Variants in PTBP3 observed in about 807,000 individuals in gnomAD.
PTBP3 encodes polypyrimidine tract binding protein 3, also known as polypyrimidine tract-binding protein 3.
PTBP3 carries 20 observed loss-of-function variants against 58.7 expected under a neutral mutation model. The observed-to-expected ratio is 0.34, with a 90% CI of 0.24 to 0.50. The LOEUF is 0.50. PTBP3 is among the 20% of genes least tolerant of loss of function. The probability of loss-of-function intolerance (pLI) is 0.98; values close to 1 mark genes in which losing one functional copy is unlikely to be tolerated. For synonymous variants in PTBP3, 185 were observed against 219.8 expected (o/e 0.84, Z 1.40); for missense variants, 509 against 637.2 (o/e 0.80, Z 2.17).
Position 112,223,028 on chromosome 9 carries a change from T to G in PTBP3, c.*823A>C. The G allele has an allele frequency of 1.2e-6, 1 of 853,994 alleles. No individual in the cohort carries two copies. The highest frequency in any genetic ancestry group is 1.8e-5 in the African/African-American group (1 of 54,504). The allele number at this position is 853,994 out of a possible 1,614,324, so 52.9% of individuals were successfully genotyped here. On this transcript the variant is annotated 3_prime_UTR_variant, in exon 14 of 14. Transcript: ENST00000374257. ...TAGTTTATAAGTAGGATTATTTTTC[T>G]TTAAAATTTTCCAAGATCATATTAC...
chr9:112,277,905 A>ACATAACATAG (rs1827683008), intron 2 of PTBP3, among the ~76,000 whole-genome samples: 1 of 115,778 alleles, frequency 8.6e-6, no homozygotes, highest in Non-Finnish European at 1.7e-5. Context: ...ACATAACATA[A>ACATAACATAG]CATAACATAA....
At chr9:112,313,852 A>G (rs1829589011) in intron 1 of PTBP3, among the ~76,000 whole-genome samples, 1 of 152,218 alleles carries the variant, frequency 6.6e-6, no homozygotes, top group East Asian at 1.9e-4. Flanking sequence ...AAGGAAAAGG[A>G]ATAGGAAAAA....
chr9:112,367,619 T>C, the PTBP3 span, among the ~76,000 whole-genome samples: 1 of 152,216 alleles, frequency 6.6e-6, no homozygotes, highest in Non-Finnish European at 1.5e-5. Flanking sequence ...TATATTCCCA[T>C]GGTTTCCTGG....
chr9:112,254,394 T>A (rs1233517167), intron 5 of PTBP3, among the ~76,000 whole-genome samples: 2 of 152,118 alleles, frequency 1.3e-5, no homozygotes, highest in African/African-American at 2.4e-5. Context: ...AGGTAATGAA[T>A]GAAAAATAGA....
chr9:112,331,132 A>G (rs1830356560), intron 1 of PTBP3, among the ~76,000 whole-genome samples: 1 of 139,102 alleles, frequency 7.2e-6, no homozygotes, highest in African/African-American at 2.5e-5. Context: ...CACACGAGAG[A>G]CAGTTGGGAT....
rs537933356 is a variant in PTBP3, at chr9:112,223,149, T to G, written c.*702A>C. 2.2e-6 allele frequency: 2 copies of G among 895,568 alleles called. No homozygotes were observed. Among genetic ancestry groups the G allele is most frequent in the Non-Finnish European group, 2.7e-6 (2 of 747,886 alleles). The allele number at this position is 895,568 out of a possible 1,614,324, so 55.5% of individuals were successfully genotyped here. A position where few individuals can be genotyped will look rare whatever the true frequency, so the allele number is the denominator to read the frequency against. ...ATCTTATTAACAGATCTTAGTTGAA[T>G]TCCACTTAATTTCCCTGGGGACAGC... On this transcript the variant is annotated 3_prime_UTR_variant, in exon 14 of 14. Coordinates refer to ENST00000374257, the MANE Select transcript of PTBP3 (RefSeq NM_001163788.4).
At chr9:112,229,110 C>T (rs1835104688) in intron 10 of PTBP3, among the ~76,000 whole-genome samples, 2 of 152,134 alleles carry the variant, frequency 1.3e-5, no homozygotes, top group East Asian at 1.9e-4. Context: ...TTTATATAAA[C>T]CAATATTAAA....
At chr9:112,230,518 TG>T (rs1172081071) in intron 10 of PTBP3, among the ~76,000 whole-genome samples, 1 of 151,994 alleles carries the variant, frequency 6.6e-6, no homozygotes, top group Non-Finnish European at 1.5e-5. Flanking sequence ...GTGGATTACA[TG>T]AAAAAAATAA....
intron 2 of PTBP3, among the ~76,000 whole-genome samples, chr9:112,277,977 A>G (rs531993905): frequency 6.7e-6 from 1 of 148,792 alleles, no homozygotes; most frequent in South Asian, 2.1e-4. Flanking sequence ...ATAACATAAC[A>G]TAATGTATAT....
intron 1 of PTBP3, among the ~76,000 whole-genome samples, chr9:112,331,082 A>AACACACAC (rs10660591): frequency 0.043 from 6,012 of 139,436 alleles, 170 homozygotes; most frequent in Non-Finnish European, 0.052. Context: ...GGAGGAAACG[A>AACACACAC]ACACACACAC....
chr9:112,220,110 A>G lies in PTBP3; in HGVS notation c.*3741T>C. 1 of 1,240,442 alleles carries G rather than the reference A, an allele frequency of 8.1e-7. No individual in the cohort carries two copies. The highest frequency in any genetic ancestry group is 1.0e-6 in the Non-Finnish European group (1 of 964,552). The allele number at this position is 1,240,442 out of a possible 1,614,324, so 76.8% of individuals were successfully genotyped here. On this transcript the variant is annotated 3_prime_UTR_variant, in exon 14 of 14. Coordinates refer to ENST00000374257, the MANE Select transcript of PTBP3 (RefSeq NM_001163788.4). ...CGTCACGCTGTCTCTTTTTGGTTTT[A>G]AAAATAGCAGTACACATTAGGTTTT... is the stretch of plus-strand genomic sequence containing the variant.
the PTBP3 span, among the ~76,000 whole-genome samples, chr9:112,357,068 G>T: frequency 6.6e-6 from 1 of 151,680 alleles, no homozygotes; most frequent in African/African-American, 2.4e-5. Context: ...TTTTAGTAGA[G>T]ACGGGGTTTC....
chr9:112,372,073 GA>G, the PTBP3 span, among the ~76,000 whole-genome samples: 2 of 151,914 alleles, frequency 1.3e-5, no homozygotes, highest in East Asian at 1.9e-4. Context: ...TTCTTCCATA[GA>G]TTCTTTTTTC....
chr9:112,236,056 T>C (rs1835426569), intron 7 of PTBP3, among the ~76,000 whole-genome samples: 1 of 152,106 alleles, frequency 6.6e-6, no homozygotes, highest in Admixed American at 6.5e-5. Flanking sequence ...TTTTCAATGA[T>C]AGGGAGATGA....
chr9:112,352,436 G>C, the PTBP3 span, among the ~76,000 whole-genome samples: 1 of 152,194 alleles, frequency 6.6e-6, no homozygotes, highest in Non-Finnish European at 1.5e-5. Context: ...GCAGGTCACT[G>C]TTAACCCTTC....
At chr9:112,246,526 T>G (rs1336054628) in intron 7 of PTBP3, among the ~76,000 whole-genome samples, 1 of 151,504 alleles carries the variant, frequency 6.6e-6, no homozygotes, top group Non-Finnish European at 1.5e-5. Context: ...AAGTCCATCC[T>G]ACTAAAAATA....
chr9:112,301,885 T>C (rs1828950738), intron 1 of PTBP3, among the ~76,000 whole-genome samples: 1 of 152,118 alleles, frequency 6.6e-6, no homozygotes, highest in African/African-American at 2.4e-5. Context: ...GTTTGAAAAG[T>C]TTAATAAAAT....
At chr9:112,237,468 A>G (rs1243866164) in intron 7 of PTBP3, among the ~76,000 whole-genome samples, 1 of 152,248 alleles carries the variant, frequency 6.6e-6, no homozygotes, top group Non-Finnish European at 1.5e-5. Flanking sequence ...CCATGAAATC[A>G]GTTTATCACA....
Position 112,232,167 on chromosome 9 carries a change from T to A in PTBP3, c.952A>T (p.Met318Leu), listed in dbSNP as rs750229162. 3.7e-6 allele frequency: 6 copies of A among 1,612,628 alleles called. No individual in the cohort carries two copies. In the African/African-American group the frequency reaches 6.7e-5, roughly 18 times the overall value. Reference protein sequence around the residue: ...TITSSAVTGRMAIPGASGIPG... With the variant: ...TITSSAVTGRLAIPGASGIPG... The stretch of plus-strand genomic sequence containing the variant: ...ATACCACTAGCCCCAGGAATGGCCA[T>A]CCTTCCAGTGACAGCAGAAGAGGTG... Residue 318 changes from methionine to leucine, a missense_variant, in exon 9 of 14, where the codon ATG (methionine) becomes TTG (leucine). Physicochemically the swap from Met to Leu is conservative, Grantham distance 15 (BLOSUM62 2). Coordinates refer to ENST00000374257, the MANE Select transcript of PTBP3 (RefSeq NM_001163788.4).
Sources: gnomAD v4.1 joint callset for allele counts (sites outside exome capture counted in the v4.1 genomes callset) on GRCh38, gnomAD v4.1.1 for gene constraint, MANE v1.5 for transcripts, NCBI Gene and HGNC (gene_info 2026-07-23, HGNC 2026-07-21) for gene names.